The following TMEM161B variants were observed in gnomAD, a reference collection of about 807,000 sequenced individuals.
The protein encoded by TMEM161B is transmembrane protein 161B.
A neutral mutation model predicts 61.8 loss-of-function variants in TMEM161B; 34 were observed. The observed-to-expected ratio is 0.55, with a 90% CI of 0.42 to 0.73. The LOEUF is 0.73. Ranked by LOEUF, TMEM161B falls within the 30% of genes least tolerant of loss-of-function variation. The pLI is 0.00. For missense variants in TMEM161B, 456 were observed against 558.5 expected (o/e 0.82, Z 1.85); for synonymous variants, 167 against 192.8 (o/e 0.87, Z 1.11).
rs577020198 is a variant in TMEM161B at position 88,254,793 on chromosome 5, G to A, written c.4-13877C>T. On this transcript the variant is annotated intron_variant, in intron 1 of 11. Transcript: ENST00000296595. ...GTAGGTTGAGACTGCAGTGAGCCAT[G>A]AGTGCACCACTGTACTCCGGCCTGA... is the stretch of plus-strand genomic sequence containing the variant. 2.0e-5 allele frequency among the ~76,000 whole-genome samples: 3 copies of A among 151,600 alleles called. No individual in the cohort carries two copies. The East Asian group carries it at 5.8e-4, about 29-fold the overall frequency.
intron 2 of TMEM161B, among the ~76,000 whole-genome samples, chr5:88,233,855 C>T (rs954235544): frequency 3.9e-5 from 6 of 151,978 alleles, no homozygotes; most frequent in African/African-American, 1.5e-4. Flanking sequence ...TTAGAATCTG[C>T]AGTTCAGAGA....
chr5:88,250,257 G>C (rs1398614797), intron 1 of TMEM161B, among the ~76,000 whole-genome samples: 1 of 152,006 alleles, frequency 6.6e-6, no homozygotes, highest in African/African-American at 2.4e-5. Context: ...TTACCTTTTT[G>C]TTAGCTTGCC....
intron 5 of TMEM161B, among the ~76,000 whole-genome samples, chr5:88,208,821 A>G (rs893756153): frequency 5.3e-5 from 8 of 152,226 alleles, no homozygotes; most frequent in Non-Finnish European, 8.8e-5. Flanking sequence ...AACACTGTAC[A>G]TAGCACCTAA....
At chr5:88,255,398 T>C (rs948416301) in intron 1 of TMEM161B, among the ~76,000 whole-genome samples, 1 of 152,004 alleles carries the variant, frequency 6.6e-6, no homozygotes, top group Admixed American at 6.6e-5. Flanking sequence ...AAGTAAAAAA[T>C]GGGGGCCTAT....
At chr5:88,259,726 TA>T (rs1755457582) in intron 1 of TMEM161B, among the ~76,000 whole-genome samples, 7 of 152,348 alleles carry the variant, frequency 4.6e-5, no homozygotes, top group African/African-American at 1.4e-4. Context: ...CTATGCCGGA[TA>T]GTAATGATTA....
intron 8 of TMEM161B, among the ~76,000 whole-genome samples, chr5:88,203,572 A>G (rs1442475749): frequency 6.6e-6 from 1 of 151,786 alleles, no homozygotes; most frequent in Non-Finnish European, 1.5e-5. Flanking sequence ...AGCCAGGTCC[A>G]TATTACTAGA....
intron 1 of TMEM161B, chr5:88,250,557 T>G (rs1003065639): frequency 2.6e-5 from 4 of 151,964 alleles, no homozygotes; most frequent in African/African-American, 9.7e-5. Flanking sequence ...AAACCAAGAC[T>G]CTCTGTACAA....
At chr5:88,187,032 C>A (rs192509969), downstream of TMEM161B, among the ~76,000 whole-genome samples, 2 of 152,310 alleles carry the variant, frequency 1.3e-5, no homozygotes, top group Admixed American at 6.5e-5. Context: ...TGAATTGATT[C>A]TTGTGTAAAG....
At chr5:88,237,970 G>GGGT (rs1279012303) in intron 2 of TMEM161B, among the ~76,000 whole-genome samples, 2 of 152,020 alleles carry the variant, frequency 1.3e-5, no homozygotes, top group Non-Finnish European at 2.9e-5. Flanking sequence ...GGGAAACTGG[G>GGGT]GGTAGGTGGG....
chr5:88,232,516 T>C (rs1751169632), intron 2 of TMEM161B, among the ~76,000 whole-genome samples: 1 of 152,240 alleles, frequency 6.6e-6, no homozygotes, highest in Non-Finnish European at 1.5e-5. Context: ...ACTCTCAGTA[T>C]AGGAAAAATT....
Position 88,203,795 on chromosome 5 carries a change from ATATATATATATATATATAT to A in TMEM161B, c.801-739_801-721del, listed in dbSNP as rs1561312661. Among the ~76,000 whole-genome samples the A allele has an allele frequency of 3.6e-3, 123 of 34,372 alleles. 7 individuals carry two copies. Among genetic ancestry groups the A allele is most frequent in the Admixed American group, 0.017 (47 of 2,720 alleles). The allele number at this position is 34,372 out of a possible 152,430, so 22.5% of individuals were successfully genotyped here. ...TATATATATATATATATATATATAT[ATATATATATATATATATAT>A]AATTTGCATTACTCCTGACAAGGCA... On this transcript the variant is annotated intron_variant, in intron 8 of 11. Coordinates refer to ENST00000296595, the MANE Select transcript of TMEM161B (RefSeq NM_153354.5).
At position 88,239,557 on chromosome 5, in the gene TMEM161B, C is replaced by T. The variant is rs543552807; in HGVS notation, c.107+1256G>A. Among the ~76,000 whole-genome samples, 4 of 152,058 alleles carry T rather than the reference C, an allele frequency of 2.6e-5. No individual in the cohort carries two copies. The East Asian group carries it at 5.8e-4, about 22-fold the overall frequency. ...TTAAAGATTATTTTCACTTATTTTACACTTTACCAAAACTTTAGCCATTAT... is the reference window on the plus strand; with the variant it reads ...TTAAAGATTATTTTCACTTATTTTATACTTTACCAAAACTTTAGCCATTAT... On this transcript the variant is annotated intron_variant, in intron 2 of 11. Coordinates refer to ENST00000296595, the MANE Select transcript of TMEM161B (RefSeq NM_153354.5).
At chr5:88,220,471 T>C (rs1748699713) in intron 5 of TMEM161B, 92 bp downstream of exon 5, 3 of 1,044,790 alleles carry the variant, frequency 2.9e-6, no homozygotes, top group Non-Finnish European at 3.9e-6. Flanking sequence ...AGAAAAGTTA[T>C]CTAATGACAT....
chr5:88,201,576 C>T (rs760615938), intron 9 of TMEM161B: 3 of 151,998 alleles, frequency 2.0e-5, no homozygotes, highest in Non-Finnish European at 2.9e-5. Context: ...CTTATTTTCT[C>T]AATTTAACTA....
intron 3 of TMEM161B, among the ~76,000 whole-genome samples, chr5:88,226,961 A>AT (rs879634347): frequency 2.8e-4 from 42 of 149,742 alleles, no homozygotes; most frequent in East Asian, 9.8e-4. Flanking sequence ...GTCTCTACAA[A>AT]TTTTTTTTTT....
chr5:88,256,558 A>G (rs1188630441), intron 1 of TMEM161B, among the ~76,000 whole-genome samples: 1 of 152,246 alleles, frequency 6.6e-6, no homozygotes, highest in African/African-American at 2.4e-5. Flanking sequence ...ATTCATGTGC[A>G]CTATAAAACG....
intron 5 of TMEM161B, 82 bp downstream of exon 5, chr5:88,220,481 T>G: frequency 4.3e-6 from 5 of 1,167,548 alleles, no homozygotes; most frequent in Non-Finnish European, 5.7e-6. Context: ...TCTAATGACA[T>G]AAAATCTTTC....
chr5:88,262,839 G>A (rs1179168703), intron 1 of TMEM161B, among the ~76,000 whole-genome samples: 1 of 152,068 alleles, frequency 6.6e-6, no homozygotes, highest in Non-Finnish European at 1.5e-5. Context: ...TGGGAGCAGG[G>A]AATATCTAGG....
At chr5:88,256,073 G>A (rs907072437) in intron 1 of TMEM161B, among the ~76,000 whole-genome samples, 15 of 151,728 alleles carry the variant, frequency 9.9e-5, no homozygotes, top group Admixed American at 6.6e-5. Context: ...CAACAAAGAG[G>A]GAAAGGAAAA....
Sources: gnomAD v4.1 joint callset for allele counts (sites outside exome capture counted in the v4.1 genomes callset) on GRCh38, gnomAD v4.1.1 for gene constraint, MANE v1.5 for transcripts, NCBI Gene and HGNC (gene_info 2026-07-23, HGNC 2026-07-21) for gene names.